Variants in PDE4B observed in about 807,000 individuals in gnomAD.
The protein encoded by PDE4B is phosphodiesterase 4B.
In PDE4B, 20 loss-of-function variants were observed where a neutral mutation model predicts 82.2. The ratio of observed to expected loss-of-function variants is 0.24; its 90% CI spans 0.17 to 0.35. The LOEUF (loss-of-function observed/expected upper bound fraction) is 0.35, where lower values mean the gene tolerates loss of function less well. Ranked by LOEUF, PDE4B falls within the 10% of genes least tolerant of loss-of-function variation. The pLI, the probability that PDE4B is intolerant of heterozygous loss-of-function variation, is 1.00. For missense variants in PDE4B, 655 were observed against 907.2 expected (o/e 0.72, Z 3.57); for synonymous variants, 320 against 318.9 (o/e 1.00, Z -0.04).
intron 8 of PDE4B, among the ~76,000 whole-genome samples, chr1:66,342,139 A>G (rs190400428): frequency 6.6e-6 from 1 of 152,306 alleles, no homozygotes; most frequent in East Asian, 1.9e-4. Flanking sequence ...AATTATTTAA[A>G]TGTCGGGAAA....
chr1:66,043,489 C>T lies in PDE4B; in HGVS notation c.281+124654C>T, dbSNP rs72641138. Among the ~76,000 whole-genome samples the T allele has an allele frequency of 0.032, 4,932 of 151,762 alleles. 451 individuals are homozygous for T. The East Asian group carries it at 0.36, about 11-fold the overall frequency. ...TTAGTGGTTTCAACTTATATAACTTCCATATGGAAAGTTAAGGGGAACATA... is the reference window on the plus strand; with the variant it reads ...TTAGTGGTTTCAACTTATATAACTTTCATATGGAAAGTTAAGGGGAACATA... On this transcript the variant is annotated intron_variant, in intron 3 of 16. Coordinates refer to ENST00000341517, the MANE Select transcript of PDE4B (RefSeq NM_002600.4).
intron 3 of PDE4B, among the ~76,000 whole-genome samples, chr1:66,229,600 G>T (rs1476249983): frequency 5.9e-5 from 9 of 152,136 alleles, no homozygotes; most frequent in African/African-American, 2.2e-4. Flanking sequence ...CAGCACATGA[G>T]AACTTTTGGG....
intron 3 of PDE4B, among the ~76,000 whole-genome samples, chr1:66,190,330 G>T (rs1455247397): frequency 4.6e-5 from 7 of 152,164 alleles, no homozygotes; most frequent in African/African-American, 1.7e-4. Context: ...CTCCAGCTGC[G>T]TGCTGGGAGA....
intron 3 of PDE4B, among the ~76,000 whole-genome samples, chr1:66,113,614 G>A (rs981930603): frequency 1.1e-4 from 17 of 152,050 alleles, no homozygotes; most frequent in African/African-American, 3.1e-4. Flanking sequence ...CTGTCTTGGC[G>A]GCACATGTAA....
At chr1:66,035,068 C>T (rs1216743431) in intron 3 of PDE4B, among the ~76,000 whole-genome samples, 1 of 152,180 alleles carries the variant, frequency 6.6e-6, no homozygotes, top group Non-Finnish European at 1.5e-5. Context: ...ACTAATCTTT[C>T]AGTACTTATC....
At chr1:66,308,638 C>T (rs1437100562) in intron 7 of PDE4B, among the ~76,000 whole-genome samples, 1 of 151,986 alleles carries the variant, frequency 6.6e-6, no homozygotes, top group East Asian at 1.9e-4. Context: ...TTTTTTGCTC[C>T]ACATTTGTAC....
At chr1:65,871,007 G>A (rs113938134) in intron 1 of PDE4B, among the ~76,000 whole-genome samples, 127 of 152,254 alleles carry the variant, frequency 8.3e-4, no homozygotes, top group Non-Finnish European at 1.4e-3. Flanking sequence ...CAGCACTTCA[G>A]CCCCAGGGTA....
At chr1:66,118,800 C>T (rs2101072111) in intron 3 of PDE4B, among the ~76,000 whole-genome samples, 1 of 152,094 alleles carries the variant, frequency 6.6e-6, no homozygotes. Flanking sequence ...ACAGTCCTTC[C>T]TTGTTCCTAA....
At chr1:66,306,770 G>A (rs115437344) in intron 7 of PDE4B, among the ~76,000 whole-genome samples, 1,539 of 152,250 alleles carry the variant, frequency 0.01, 30 homozygotes, top group African/African-American at 0.035. Flanking sequence ...CAGTAAGTTA[G>A]TGAAATAGCC....
intron 3 of PDE4B, among the ~76,000 whole-genome samples, chr1:66,193,585 G>T (rs1648011059): frequency 6.6e-6 from 1 of 152,042 alleles, no homozygotes; most frequent in African/African-American, 2.4e-5. Flanking sequence ...GGTTCTCCGT[G>T]GTTTGGAATT....
intron 3 of PDE4B, among the ~76,000 whole-genome samples, chr1:66,090,621 A>ATATATATATATG: frequency 4.9e-5 from 6 of 122,726 alleles, no homozygotes; most frequent in East Asian, 2.1e-4. Flanking sequence ...TATATAATAT[A>ATATATATATATG]TGTGTGTGTG....
At chr1:65,890,131 CA>C (rs1646836788) in intron 1 of PDE4B, among the ~76,000 whole-genome samples, 1 of 150,020 alleles carries the variant, frequency 6.7e-6, no homozygotes, top group East Asian at 1.9e-4. Context: ...TAAAGCTTGA[CA>C]AATTTTTTTT....
chr1:66,049,355 T>C (rs1654892431), intron 3 of PDE4B, among the ~76,000 whole-genome samples: 1 of 152,074 alleles, frequency 6.6e-6, no homozygotes, highest in South Asian at 2.1e-4. Flanking sequence ...TGCCTGGTTG[T>C]TGGCAGAGGG....
intron 3 of PDE4B, among the ~76,000 whole-genome samples, chr1:66,047,186 G>A (rs1654763501): frequency 2.0e-5 from 3 of 151,610 alleles, no homozygotes; most frequent in African/African-American, 7.3e-5. Context: ...CCCAGCATAG[G>A]GATTAATGCA....
intron 1 of PDE4B, among the ~76,000 whole-genome samples, chr1:65,816,251 T>A (rs1309365939): frequency 1.5e-5 from 1 of 65,784 alleles, no homozygotes; most frequent in East Asian, 2.8e-4. Context: ...GATAGAGAGA[T>A]TTGGTTTTGG....
intron 8 of PDE4B, among the ~76,000 whole-genome samples, chr1:66,336,088 A>G (rs1660491620): frequency 6.6e-6 from 1 of 152,200 alleles, no homozygotes; most frequent in African/African-American, 2.4e-5. Flanking sequence ...CAGCCCAACA[A>G]CGGCATAAAC....
At chr1:66,306,251 T>A (rs538432019) in intron 7 of PDE4B, among the ~76,000 whole-genome samples, 13 of 152,244 alleles carry the variant, frequency 8.5e-5, no homozygotes, top group Admixed American at 4.6e-4. Flanking sequence ...TTGTCTTTAT[T>A]TGATACCTTT....
chr1:66,073,843 G>A (rs1339521511), intron 3 of PDE4B, among the ~76,000 whole-genome samples: 2 of 152,108 alleles, frequency 1.3e-5, no homozygotes, highest in Non-Finnish European at 2.9e-5. Context: ...ATCCTAGGAA[G>A]GGTGTGTGTA....
intron 4 of PDE4B, 35 bp from the exon 5 acceptor site, chr1:66,257,612 A>C: frequency 1.9e-6 from 3 of 1,590,452 alleles, no homozygotes; most frequent in Non-Finnish European, 2.6e-6. Context: ...AATTCAAGTA[A>C]ATTTCTAAAG....
Sources: allele counts gnomAD v4.1 joint callset (sites outside exome capture counted in the v4.1 genomes callset), GRCh38; gene constraint gnomAD v4.1.1; transcripts MANE v1.5; gene names NCBI Gene and HGNC (gene_info 2026-07-23, HGNC 2026-07-21).